ARSJ: variants seen among roughly 807,000 people sequenced by gnomAD.
ARSJ encodes the protein arylsulfatase J.
ARSJ carries 26 observed loss-of-function variants against 35.9 expected under a neutral mutation model. The ratio of observed to expected loss-of-function variants is 0.72; its 90% CI spans 0.53 to 1.00. The LOEUF (loss-of-function observed/expected upper bound fraction) is 1.00, where lower values mean the gene tolerates loss of function less well. ARSJ is among the 50% of genes least tolerant of loss of function. The pLI, the probability that ARSJ is intolerant of heterozygous loss-of-function variation, is 0.00. For missense variants in ARSJ, 667 were observed against 723.6 expected, an observed-to-expected ratio of 0.92 and a Z score of 0.90; for synonymous variants, 294 against 267.6, an observed-to-expected ratio of 1.10 and a Z score of -0.96.
intron 1 of ARSJ, among the ~76,000 whole-genome samples, chr4:113,948,000 G>A (rs926887159): frequency 2.0e-5 from 3 of 151,962 alleles, no homozygotes; most frequent in African/African-American, 7.2e-5. Flanking sequence ...ACCAGCCTGG[G>A]CAACATGGTG....
At chr4:113,928,187 A>C (rs2149262745) in intron 1 of ARSJ, among the ~76,000 whole-genome samples, 1 of 152,312 alleles carries the variant, frequency 6.6e-6, no homozygotes, top group Admixed American at 6.5e-5. Context: ...GCTCAGAGCC[A>C]GTGTCCAGTA....
chr4:113,967,802 T>G (rs1726989613), intron 1 of ARSJ, among the ~76,000 whole-genome samples: 1 of 152,152 alleles, frequency 6.6e-6, no homozygotes, highest in South Asian at 2.1e-4. Flanking sequence ...ATCAAAACAT[T>G]CCTCTTAAAT....
rs954312181 is a variant in ARSJ, at chr4:113,900,821, C to G, written c.*1453G>C. 4.6e-5 allele frequency: 7 copies of G among 152,146 alleles called. No homozygotes were observed. The highest frequency in any genetic ancestry group is 1.3e-4 in the Admixed American group (2 of 15,258). 9.4% of individuals were successfully genotyped at this position (152,146 alleles called of 1,614,324 possible). A position where few individuals can be genotyped will look rare whatever the true frequency, so the allele number is the denominator to read the frequency against. ...TACTGATAATACTCCTTTAATTCTC[C>G]TCATGACGTTTGCATGTGGGGTTTC... is the stretch of plus-strand genomic sequence containing the variant. On this transcript the variant is annotated 3_prime_UTR_variant, in exon 2 of 2. Transcript: ENST00000315366.
intron 1 of ARSJ, among the ~76,000 whole-genome samples, chr4:113,955,128 G>A (rs1489289763): frequency 1.3e-5 from 2 of 151,510 alleles, no homozygotes; most frequent in African/African-American, 4.8e-5. Context: ...AACATCAGCA[G>A]AAGATAATGA....
rs540972608 is a variant in ARSJ, at chr4:113,947,200, G to A, written c.398+31237C>T. Among the ~76,000 whole-genome samples the A allele has an allele frequency of 2.0e-4, 30 of 152,138 alleles. No homozygotes were observed. In the South Asian group the frequency reaches 5.8e-3, roughly 29 times the overall value. On this transcript the variant is annotated intron_variant, in intron 1 of 1. Coordinates refer to ENST00000315366, the MANE Select transcript of ARSJ (RefSeq NM_024590.4). ...ATAGGGATTTAAAATTGAAAAATAGGCCAGATGTGGTGGCTGAGACCTGTA... is the reference window on the plus strand; with the variant it reads ...ATAGGGATTTAAAATTGAAAAATAGACCAGATGTGGTGGCTGAGACCTGTA...
intron 1 of ARSJ, 27 bp from the exon 2 acceptor site, chr4:113,903,702 T>C (rs1156405176): frequency 7.6e-6 from 12 of 1,572,076 alleles, no homozygotes; most frequent in Admixed American, 3.6e-5. Context: ...AAAATTGTTA[T>C]CAGGGCAGGA....
chr4:113,940,889 C>T (rs1039359014), intron 1 of ARSJ, among the ~76,000 whole-genome samples: 5 of 151,900 alleles, frequency 3.3e-5, no homozygotes, highest in African/African-American at 1.2e-4. Flanking sequence ...AGGCAAATTA[C>T]TCTTAGGGTA....
At position 113,961,178 on chromosome 4, in the gene ARSJ, C is replaced by T. The variant is rs567333052; in HGVS notation, c.398+17259G>A. 4.6e-5 allele frequency among the ~76,000 whole-genome samples: 7 copies of T among 152,064 alleles called. No individual in the cohort carries two copies. The East Asian group carries it at 9.7e-4, about 21-fold the overall frequency. On this transcript the variant is annotated intron_variant, in intron 1 of 1. Transcript: ENST00000315366. ...TCACACCTGGAGGAGGCATCCAGCA[C>T]GTTGGAAGTGAAGTAGCACTTACCC...
At chr4:113,912,582 G>C (rs1722989802) in intron 1 of ARSJ, among the ~76,000 whole-genome samples, 1 of 152,018 alleles carries the variant, frequency 6.6e-6, no homozygotes, top group African/African-American at 2.4e-5. Flanking sequence ...AAGACCATCT[G>C]GCTATGGCAG....
intron 1 of ARSJ, among the ~76,000 whole-genome samples, chr4:113,914,677 C>T (rs575617144): frequency 2.3e-4 from 35 of 152,306 alleles, no homozygotes; most frequent in African/African-American, 7.5e-4. Context: ...AAATCCAAGA[C>T]AACTTAGTAG....
chr4:113,978,849 G>A lies in ARSJ; in HGVS notation c.-15C>T, dbSNP rs1318287573. The A allele has an allele frequency of 1.3e-6, 2 of 1,577,820 alleles. No individual in the cohort carries two copies. The highest frequency in any genetic ancestry group is 1.4e-5 in the African/African-American group (1 of 73,404). On this transcript the variant is annotated 5_prime_UTR_variant, in exon 1 of 2. Transcript: ENST00000315366. Reference sequence around the variant, plus strand: ...CTGGGAGCCATTCACTCAGGTCCCAGGTGAGACTCCACGCGGAGAACCACG... The same window carrying A: ...CTGGGAGCCATTCACTCAGGTCCCAAGTGAGACTCCACGCGGAGAACCACG...
chr4:113,942,729 G>A (rs1725234417), intron 1 of ARSJ, among the ~76,000 whole-genome samples: 2 of 151,880 alleles, frequency 1.3e-5, no homozygotes, highest in South Asian at 4.1e-4. Context: ...GAATTTCAGA[G>A]GTTTTTCTTA....
Position 113,978,511 on chromosome 4 carries a change from G to A in ARSJ, c.324C>T (p.Ala108=), listed in dbSNP as rs747838791. The change falls in exon 1 of 2, where the codon GCC becomes GCT. Residue 108 remains alanine (A), a synonymous_variant. Coordinates refer to ENST00000315366, the MANE Select transcript of ARSJ (RefSeq NM_024590.4). ...AGTAGTTCTCCAGTTTAACTCCTTC[G>A]GCAGCGAGCTTGTCAAGAGTAGGTG... ...IKTPTLDKLA[A]EGVKLENYYV... is the part of the protein sequence containing the mutation. The A allele has an allele frequency of 3.1e-6, 5 of 1,614,080 alleles. No homozygotes were observed. Among genetic ancestry groups the A allele is most frequent in the Non-Finnish European group, 4.2e-6 (5 of 1,179,938 alleles).
chr4:113,932,861 AT>A (rs912676827), intron 1 of ARSJ, among the ~76,000 whole-genome samples: 1 of 152,006 alleles, frequency 6.6e-6, no homozygotes, highest in African/African-American at 2.4e-5. Context: ...TAAATATCAG[AT>A]TGTAAATAAG....
At chr4:113,955,220 G>A (rs1297014032) in intron 1 of ARSJ, among the ~76,000 whole-genome samples, 3 of 151,768 alleles carry the variant, frequency 2.0e-5, no homozygotes, top group African/African-American at 7.3e-5. Context: ...TAGATCCAAT[G>A]GCACTGCCAT....
intron 1 of ARSJ, among the ~76,000 whole-genome samples, chr4:113,928,858 G>A (rs563899550): frequency 1.3e-5 from 2 of 152,230 alleles, no homozygotes; most frequent in East Asian, 3.9e-4. Flanking sequence ...GGATGAGTAG[G>A]TTTGAAGTGA....
At chr4:113,947,718 G>A (rs1452470453) in intron 1 of ARSJ, among the ~76,000 whole-genome samples, 3 of 151,956 alleles carry the variant, frequency 2.0e-5, no homozygotes, top group African/African-American at 7.3e-5. Context: ...AATTTAAAAA[G>A]TATATGGACT....
Position 113,955,322 on chromosome 4 carries a change from T to G in ARSJ, c.398+23115A>C, listed in dbSNP as rs1038034473. Among the ~76,000 whole-genome samples, 18 of 152,048 alleles carry G rather than the reference T, an allele frequency of 1.2e-4. No individual in the cohort carries two copies. In the South Asian group the frequency reaches 3.3e-3, roughly 28 times the overall value. On this transcript the variant is annotated intron_variant, in intron 1 of 1. Transcript: ENST00000315366. ...TCTAAATAAAATATATCAAAATAAA[T>G]GAACAGATTGGTTATTATTTAAATA...
In ARSJ at chr4:113,902,672, G is replaced by A. The variant is rs1562327445; in HGVS notation, c.1402C>T (p.Pro468Ser). The A allele has an allele frequency of 3.7e-6, 6 of 1,614,052 alleles. No individual in the cohort carries two copies. The highest frequency in any genetic ancestry group is 2.2e-5 in the East Asian group (1 of 44,898). Reference sequence around the variant, plus strand: ...CCCAGGTTGCTGAAAGACTGAGGGGGGACCCAGTCGCTGTAGCCAGGATTT... The same window carrying A: ...CCCAGGTTGCTGAAAGACTGAGGGGAGACCCAGTCGCTGTAGCCAGGATTT... ...TGNPGYSDWVPPQSFSNLGPN... is the reference protein window; with the variant it reads ...TGNPGYSDWVSPQSFSNLGPN... The change falls in exon 2 of 2, where the codon CCC becomes TCC. Residue 468 changes from proline to serine, a missense_variant. Physicochemically the swap from Pro to Ser is moderately conservative, Grantham distance 74. Coordinates refer to ENST00000315366, the MANE Select transcript of ARSJ (RefSeq NM_024590.4).
Sources: gnomAD v4.1 joint callset for allele counts (sites outside exome capture counted in the v4.1 genomes callset) on GRCh38, gnomAD v4.1.1 for gene constraint, MANE v1.5 for transcripts, NCBI Gene and HGNC (gene_info 2026-07-23, HGNC 2026-07-21) for gene names.